MVB12B: variants seen among roughly 807,000 people sequenced by gnomAD.
MVB12B encodes multivesicular body subunit 12B.
In MVB12B, 16 loss-of-function variants were observed where a neutral mutation model predicts 41.6. The ratio of observed to expected loss-of-function variants is 0.38; its 90% CI spans 0.26 to 0.58. The LOEUF (loss-of-function observed/expected upper bound fraction) is 0.58. MVB12B is among the 20% of genes least tolerant of loss of function. MVB12B has a pLI of 0.62. For synonymous variants in MVB12B, 133 were observed against 139.7 expected, an observed-to-expected ratio of 0.95 and a Z score of 0.34; for missense variants, 274 against 380.2, an observed-to-expected ratio of 0.72 and a Z score of 2.32.
chr9:126,463,553 CTTTA>C, intron 7 of MVB12B, among the ~76,000 whole-genome samples: 1 of 152,298 alleles, frequency 6.6e-6, no homozygotes, highest in East Asian at 1.9e-4. Flanking sequence ...GCAGGTCTCT[CTTTA>C]TTTGGTCTAT....
intron 7 of MVB12B, among the ~76,000 whole-genome samples, chr9:126,461,963 G>A (rs1316856735): frequency 6.6e-6 from 1 of 152,238 alleles, no homozygotes; most frequent in Admixed American, 6.5e-5. Flanking sequence ...CATTAATAAA[G>A]CAATGATCCA....
rs1833500685 is a variant in MVB12B at position 126,480,296 on chromosome 9, G to A, written c.758-1073G>A. On this transcript the variant is annotated intron_variant, in intron 7 of 9. Transcript: ENST00000361171. The surrounding 1 kb of genome is among the most constrained non-coding windows in gnomAD (Gnocchi z 4.9). The stretch of plus-strand genomic sequence containing the variant: ...CAGACCTAAGGGAGAAGCCAACACT[G>A]GAAAGGCCCCTACCACTGTCCCAGC... Among the ~76,000 whole-genome samples, 1 of 152,188 alleles carries A rather than the reference G, an allele frequency of 6.6e-6. No homozygotes were observed. The highest frequency in any genetic ancestry group is 1.5e-5 in the Non-Finnish European group (1 of 68,042).
chr9:126,421,778 T>G, intron 6 of MVB12B, 76 bp from the exon 7 acceptor site: 1 of 1,113,138 alleles, frequency 9.0e-7, no homozygotes, highest in Non-Finnish European at 1.4e-6. Context: ...ATTTCAGCTG[T>G]TGATGGCGTC....
At chr9:126,327,369 T>C in intron 1 of MVB12B, 1 of 976,056 alleles carries the variant, frequency 1.0e-6, no homozygotes. Context: ...CTGGGAACAG[T>C]CAATCGTTTG....
intron 7 of MVB12B, among the ~76,000 whole-genome samples, chr9:126,454,774 A>G (rs1832947287): frequency 6.6e-6 from 1 of 151,298 alleles, no homozygotes; most frequent in Non-Finnish European, 1.5e-5. Flanking sequence ...GTAGGGGTCG[A>G]TGACCATAAT....
Position 126,392,121 on chromosome 9 carries a change from A to G in MVB12B, c.465A>G (p.Ser155=). Residue 155 remains serine, a synonymous_variant, in exon 5 of 10, where the codon TCA becomes TCG. Coordinates refer to ENST00000361171, the MANE Select transcript of MVB12B (RefSeq NM_033446.3). This position sits in a 1 kb window ranked among gnomAD's most constrained non-coding sequence, Gnocchi z 4.8. The part of the protein sequence containing the change: ...RLCIKFIPRD[S]TEAAICDIRI... The stretch of plus-strand genomic sequence containing the variant: ...GCATTAAATTTATTCCACGGGATTC[A>G]ACGGAAGCTGCGATTTGTGACATTC... 1 of 1,614,220 alleles carries G rather than the reference A, an allele frequency of 6.2e-7. No individual in the cohort carries two copies. Among genetic ancestry groups the G allele is most frequent in the Non-Finnish European group, 8.5e-7 (1 of 1,180,022 alleles).
chr9:126,376,519 G>A lies in MVB12B; in HGVS notation c.205-4545G>A, dbSNP rs531715511. 9 of 1,289,298 alleles carry A rather than the reference G, an allele frequency of 7.0e-6. No homozygotes were observed. The East Asian group carries it at 3.3e-4, about 48-fold the overall frequency. 79.9% of individuals were successfully genotyped at this position (1,289,298 alleles called of 1,614,324 possible). ...TGGCTGGTGTGCTACACAGTGGGGC[G>A]ACGAGCAGGGAGCTGGCTCAGATCG... is the stretch of plus-strand genomic sequence containing the variant. On this transcript the variant is annotated intron_variant, in intron 2 of 9. Transcript: ENST00000361171. This position sits in a 1 kb window ranked among gnomAD's most constrained non-coding sequence, Gnocchi z 4.1.
chr9:126,396,092 G>A (rs11793111), intron 6 of MVB12B: 112,986 of 1,002,646 alleles, frequency 0.11, 6,616 homozygotes, highest in Non-Finnish European at 0.12. Context: ...GGGTAGGTGA[G>A]TTCTTATATT....
intron 6 of MVB12B, among the ~76,000 whole-genome samples, chr9:126,410,443 C>T (rs1466419174): frequency 6.6e-6 from 1 of 152,110 alleles, no homozygotes; most frequent in Non-Finnish European, 1.5e-5. Context: ...CCTCTCTGAA[C>T]CACTTTTCCC....
chr9:126,423,777 G>A (rs1464761678), intron 7 of MVB12B, among the ~76,000 whole-genome samples: 2 of 152,242 alleles, frequency 1.3e-5, no homozygotes, highest in Non-Finnish European at 2.9e-5. Context: ...CAGCCTGCCT[G>A]CGAGTCATTC....
At chr9:126,360,834 C>T (rs1171841436) in intron 2 of MVB12B, among the ~76,000 whole-genome samples, 1 of 152,212 alleles carries the variant, frequency 6.6e-6, no homozygotes, top group Non-Finnish European at 1.5e-5. Flanking sequence ...AAGTGACCCT[C>T]TTTATCCCTG....
At position 126,468,457 on chromosome 9, in the gene MVB12B, G is replaced by A. The variant is rs933852002; in HGVS notation, c.758-12912G>A. Among the ~76,000 whole-genome samples, 1 of 152,128 alleles carries A rather than the reference G, an allele frequency of 6.6e-6. No homozygotes were observed. Among genetic ancestry groups the A allele is most frequent in the Admixed American group, 6.5e-5 (1 of 15,288 alleles). ...GCTTTTCCGCTGGCCCCCACGCCCC[G>A]TCAGTACCTGGCATTTCATTCTCCC... is the stretch of plus-strand genomic sequence containing the variant. On this transcript the variant is annotated intron_variant, in intron 7 of 9. Coordinates refer to ENST00000361171, the MANE Select transcript of MVB12B (RefSeq NM_033446.3). The surrounding 1 kb of genome is among the most constrained non-coding windows in gnomAD (Gnocchi z 4.3).
chr9:126,499,917 G>A (rs1451969267), intron 9 of MVB12B, among the ~76,000 whole-genome samples: 1 of 151,068 alleles, frequency 6.6e-6, no homozygotes, highest in Non-Finnish European at 1.5e-5. Context: ...GCCCAGCCAT[G>A]CCCTCCCCGT....
rs566336589 is a variant in MVB12B at position 126,354,134 on chromosome 9, C to T, written c.204+13504C>T. Among the ~76,000 whole-genome samples the T allele has an allele frequency of 1.9e-3, 296 of 152,294 alleles. 2 individuals are homozygous for T. The highest frequency in any genetic ancestry group is 1.7e-3 in the Non-Finnish European group (118 of 68,028). ...TTCTTGGCCTTTTGCATTTGACTGT[C>T]AGTTTCCAGTTTTTGTAGCTGGCTC... On this transcript the variant is annotated intron_variant, in intron 2 of 9. Coordinates refer to ENST00000361171, the MANE Select transcript of MVB12B (RefSeq NM_033446.3).
rs1016275739 is a variant in MVB12B, at chr9:126,473,154, G to A, written c.758-8215G>A. On this transcript the variant is annotated intron_variant, in intron 7 of 9. Transcript: ENST00000361171. The surrounding 1 kb of genome is among the most constrained non-coding windows in gnomAD (Gnocchi z 4.0). Reference sequence around the variant, plus strand: ...ACCCTCACCACAGCCCGCAGAGGCAGCTGTAGTATTATGCCCACCTTACAG... The same window carrying A: ...ACCCTCACCACAGCCCGCAGAGGCAACTGTAGTATTATGCCCACCTTACAG... Among the ~76,000 whole-genome samples, 1 of 152,134 alleles carries A rather than the reference G, an allele frequency of 6.6e-6. No homozygotes were observed. Among genetic ancestry groups the A allele is most frequent in the Non-Finnish European group, 1.5e-5 (1 of 68,030 alleles).
intron 7 of MVB12B, among the ~76,000 whole-genome samples, chr9:126,450,745 C>A (rs1414246240): frequency 6.6e-6 from 1 of 152,212 alleles, no homozygotes; most frequent in Non-Finnish European, 1.5e-5. Context: ...GAAACCAAGG[C>A]ATAGAGAGCT....
rs1473750052 is a variant in MVB12B at position 126,376,499 on chromosome 9, G to A, written c.205-4565G>A. On this transcript the variant is annotated intron_variant, in intron 2 of 9. Transcript: ENST00000361171. This position sits in a 1 kb window ranked among gnomAD's most constrained non-coding sequence, Gnocchi z 4.1. ...CCTGTGGGTGGGGGGCCTGCTGGCT[G>A]GTGTGCTACACAGTGGGGCGACGAG... 1.3e-5 allele frequency: 17 copies of A among 1,288,876 alleles called. No homozygotes were observed. Among genetic ancestry groups the A allele is most frequent in the Non-Finnish European group, 1.7e-5 (17 of 988,720 alleles). The allele number at this position is 1,288,876 out of a possible 1,614,324, so 79.8% of individuals were successfully genotyped here. A position where few individuals can be genotyped will look rare whatever the true frequency, so the allele number is the denominator to read the frequency against.
At chr9:126,452,107 A>G (rs1376441645) in intron 7 of MVB12B, among the ~76,000 whole-genome samples, 2 of 152,146 alleles carry the variant, frequency 1.3e-5, no homozygotes, top group Non-Finnish European at 2.9e-5. Flanking sequence ...AGATGCACCT[A>G]CTTTTTCCCT....
rs1242903619 is a variant in MVB12B at position 126,340,235 on chromosome 9, C to G, written c.82-273C>G. On this transcript the variant is annotated intron_variant, in intron 1 of 9. Coordinates refer to ENST00000361171, the MANE Select transcript of MVB12B (RefSeq NM_033446.3). This position sits in a 1 kb window ranked among gnomAD's most constrained non-coding sequence, Gnocchi z 4.0. ...ATGGCGGAGTTAAGAATGACGTGCT[C>G]TTGGGTTTGAGTCAAGCTCACCTCC... 6.6e-6 allele frequency among the ~76,000 whole-genome samples: 1 copy of G among 152,010 alleles called. No homozygotes were observed. The highest frequency in any genetic ancestry group is 1.5e-5 in the Non-Finnish European group (1 of 68,020).
Sources: allele counts gnomAD v4.1 joint callset (sites outside exome capture counted in the v4.1 genomes callset), GRCh38; gene constraint gnomAD v4.1.1; non-coding constraint Gnocchi (gnomAD v3.1); transcripts MANE v1.5; gene names NCBI Gene and HGNC (gene_info 2026-07-23, HGNC 2026-07-21).